RAB38: variants seen among roughly 807,000 people sequenced by gnomAD.
RAB38 encodes RAB38, member RAS oncogene family.
Under a neutral mutation model 18.4 loss-of-function variants are expected in RAB38, and 15 were observed. That is an observed-to-expected ratio of 0.82 (90% confidence interval 0.55 to 1.26). The LOEUF (loss-of-function observed/expected upper bound fraction) is 1.26. RAB38 is among the 50% of genes most tolerant of loss of function. The probability of loss-of-function intolerance (pLI) is 0.00; values close to 1 mark genes in which losing one functional copy is unlikely to be tolerated. For synonymous variants in RAB38, 101 were observed against 104.4 expected, an observed-to-expected ratio of 0.97 and a Z score of 0.20; for missense variants, 294 against 267.4, an observed-to-expected ratio of 1.10 and a Z score of -0.69.
At chr11:88,005,455 C>T in the RAB38 span, among the ~76,000 whole-genome samples, 1 of 151,326 alleles carries the variant, frequency 6.6e-6, no homozygotes, top group African/African-American at 2.4e-5. Flanking sequence ...CAATGAGCTT[C>T]ACTCCTACGT....
the RAB38 span, among the ~76,000 whole-genome samples, chr11:87,875,625 A>G: frequency 2.0e-5 from 3 of 151,372 alleles, no homozygotes; most frequent in Non-Finnish European, 4.4e-5. Flanking sequence ...TTTTCATTAT[A>G]TTTTCTTAAA....
At chr11:87,905,040 C>T in the RAB38 span, among the ~76,000 whole-genome samples, 24 of 151,734 alleles carry the variant, frequency 1.6e-4, no homozygotes, top group African/African-American at 5.5e-4. Flanking sequence ...TAGTTGATAT[C>T]GTTTCACAGT....
chr11:88,076,984 G>GAAAGAAAAGAAAAGAAAAGAAAAGA, the RAB38 span, among the ~76,000 whole-genome samples: 2 of 63,672 alleles, frequency 3.1e-5, no homozygotes, highest in East Asian at 5.6e-4. Flanking sequence ...AAGAAAGAAA[G>GAAAGAAAAGAAAAGAAAAGAAAAGA]AAAGAAAAGA....
At chr11:87,938,791 C>CTA in the RAB38 span, among the ~76,000 whole-genome samples, 5 of 151,728 alleles carry the variant, frequency 3.3e-5, no homozygotes, top group Non-Finnish European at 7.4e-5. Flanking sequence ...AAAGTAAACC[C>CTA]TATAATTCAC....
chr11:88,091,012 T>C, the RAB38 span, among the ~76,000 whole-genome samples: 3 of 151,892 alleles, frequency 2.0e-5, no homozygotes, highest in Non-Finnish European at 2.9e-5. Context: ...AAACAAAACA[T>C]ACATTTTAGA....
At chr11:87,902,616 C>T in the RAB38 span, among the ~76,000 whole-genome samples, 1 of 151,392 alleles carries the variant, frequency 6.6e-6, no homozygotes, top group South Asian at 2.1e-4. Flanking sequence ...CACTTATCAA[C>T]AATACCTGTG....
At chr11:87,893,916 T>C in the RAB38 span, among the ~76,000 whole-genome samples, 1 of 151,724 alleles carries the variant, frequency 6.6e-6, no homozygotes, top group Admixed American at 6.6e-5. Flanking sequence ...AGATTCCATA[T>C]GAATCTTAGG....
At chr11:87,932,475 C>G in the RAB38 span, among the ~76,000 whole-genome samples, 1 of 151,980 alleles carries the variant, frequency 6.6e-6, no homozygotes, top group African/African-American at 2.4e-5. Context: ...ATGCTTAGTT[C>G]TCTATAAGCA....
At chr11:87,860,808 A>G in the RAB38 span, among the ~76,000 whole-genome samples, 14 of 152,026 alleles carry the variant, frequency 9.2e-5, no homozygotes, top group African/African-American at 3.4e-4. Flanking sequence ...TTATTTTACA[A>G]GTCAGAGCTG....
the RAB38 span, among the ~76,000 whole-genome samples, chr11:88,038,497 A>T: frequency 5.9e-5 from 9 of 152,182 alleles, no homozygotes; most frequent in Non-Finnish European, 1.2e-4. Context: ...GCATGTCTTC[A>T]CTTCCAACTA....
chr11:87,947,363 C>G, the RAB38 span, among the ~76,000 whole-genome samples: 7 of 138,462 alleles, frequency 5.1e-5, no homozygotes, highest in African/African-American at 2.0e-4. Context: ...ATGGTAGTTT[C>G]TTTTGCTGTG....
At chr11:88,093,249 A>G in the RAB38 span, among the ~76,000 whole-genome samples, 6 of 151,952 alleles carry the variant, frequency 3.9e-5, no homozygotes, top group African/African-American at 1.4e-4. Context: ...CTTTGGGTAA[A>G]ATGTTTACCT....
chr11:87,939,760 C>T, the RAB38 span, among the ~76,000 whole-genome samples: 3 of 151,970 alleles, frequency 2.0e-5, no homozygotes, highest in African/African-American at 7.2e-5. Context: ...GGCATGGTGG[C>T]TCACGCCTGT....
chr11:88,102,898 C>T, the RAB38 span, among the ~76,000 whole-genome samples: 1 of 151,950 alleles, frequency 6.6e-6, no homozygotes, highest in Non-Finnish European at 1.5e-5. Flanking sequence ...ATTGTTACTC[C>T]CGTCTCCTCC....
At chr11:87,853,303 G>T in the RAB38 span, among the ~76,000 whole-genome samples, 1 of 152,254 alleles carries the variant, frequency 6.6e-6, no homozygotes, top group East Asian at 1.9e-4. Flanking sequence ...AGGCAATTAG[G>T]TTTAGATGAG....
intron 1 of RAB38, among the ~76,000 whole-genome samples, chr11:88,155,093 C>T (rs1943109311): frequency 6.6e-6 from 1 of 152,106 alleles, no homozygotes; most frequent in South Asian, 2.1e-4. Flanking sequence ...CAACCTGATG[C>T]TGAGGTACAC....
At chr11:87,865,564 A>T in the RAB38 span, among the ~76,000 whole-genome samples, 3 of 151,680 alleles carry the variant, frequency 2.0e-5, no homozygotes, top group African/African-American at 7.3e-5. Flanking sequence ...CTGATTTTGG[A>T]CTTCTGACTT....
At chr11:87,893,193 C>T in the RAB38 span, among the ~76,000 whole-genome samples, 1 of 151,056 alleles carries the variant, frequency 6.6e-6, no homozygotes, top group African/African-American at 2.4e-5. Flanking sequence ...CCAGTTCTCT[C>T]ATAAGGCAGG....
chr11:87,823,587 A>T, the RAB38 span, among the ~76,000 whole-genome samples: 1 of 152,194 alleles, frequency 6.6e-6, no homozygotes, highest in African/African-American at 2.4e-5. Context: ...ATGGAACAGA[A>T]TAGAAAGTTC....
Sources: gnomAD v4.1 joint callset for allele counts (sites outside exome capture counted in the v4.1 genomes callset) on GRCh38, gnomAD v4.1.1 for gene constraint, MANE v1.5 for transcripts, NCBI Gene and HGNC (gene_info 2026-07-23, HGNC 2026-07-21) for gene names.